The following MAL2 variants were observed in gnomAD, a reference collection of about 807,000 sequenced individuals.
MAL2 encodes the protein mal, T cell differentiation protein 2.
Under a neutral mutation model 18.1 loss-of-function variants are expected in MAL2, and 17 were observed. The observed-to-expected ratio is 0.94, with a 90% CI of 0.64 to 1.41. The LOEUF (loss-of-function observed/expected upper bound fraction) is 1.41, where lower values mean the gene tolerates loss of function less well. Ranked by LOEUF, MAL2 falls within the 40% of genes most tolerant of loss-of-function variation. The probability of loss-of-function intolerance (pLI) is 0.00; values close to 1 mark genes in which losing one functional copy is unlikely to be tolerated. For synonymous variants in MAL2, 102 were observed against 102.3 expected, an observed-to-expected ratio of 1.00 and a Z score of 0.02; for missense variants, 222 against 231.9, an observed-to-expected ratio of 0.96 and a Z score of 0.28.
At chr8:119,236,342 A>ATGTG (rs1817892244) in intron 2 of MAL2, among the ~76,000 whole-genome samples, 1 of 149,848 alleles carries the variant, frequency 6.7e-6, no homozygotes, top group Non-Finnish European at 1.5e-5. Context: ...CACATTAATA[A>ATGTG]TGGGAGACTT....
At chr8:119,212,671 G>A (rs911612486) in intron 1 of MAL2, among the ~76,000 whole-genome samples, 2 of 152,180 alleles carry the variant, frequency 1.3e-5, no homozygotes, top group East Asian at 3.9e-4. Context: ...CTTTAATGAG[G>A]TGGGGACATT....
intron 2 of MAL2, among the ~76,000 whole-genome samples, chr8:119,225,820 T>C (rs1466908089): frequency 1.3e-5 from 2 of 152,218 alleles, no homozygotes; most frequent in Non-Finnish European, 2.9e-5. Context: ...TTCTAACTGG[T>C]GTGAGATGGT....
intron 2 of MAL2, among the ~76,000 whole-genome samples, chr8:119,235,699 C>A (rs1817873562): frequency 6.6e-6 from 1 of 151,054 alleles, no homozygotes; most frequent in Non-Finnish European, 1.5e-5. Flanking sequence ...AACTAAGCTT[C>A]CTAAGTGAAG....
At chr8:119,209,251 A>G (rs1389498462) in intron 1 of MAL2, 4 of 152,540 alleles carry the variant, frequency 2.6e-5, no homozygotes, top group Middle Eastern at 3.2e-3. Context: ...GGGTGTGACA[A>G]TGGTGGGGGA....
chr8:119,220,705 AC>A (rs202018804), intron 1 of MAL2, among the ~76,000 whole-genome samples: 1 of 149,394 alleles, frequency 6.7e-6, no homozygotes, highest in African/African-American at 2.5e-5. Flanking sequence ...CTGCCATGGA[AC>A]CCCCCTTTCC....
chr8:119,236,770 A>G (rs1174907082), intron 2 of MAL2, among the ~76,000 whole-genome samples: 2 of 151,120 alleles, frequency 1.3e-5, no homozygotes, highest in Admixed American at 1.3e-4. Flanking sequence ...ACATAGCAGA[A>G]TCTCTGGGAC....
intron 2 of MAL2, among the ~76,000 whole-genome samples, chr8:119,230,652 CTCTT>C (rs1365427839): frequency 1.3e-5 from 2 of 152,176 alleles, no homozygotes; most frequent in Non-Finnish European, 1.5e-5. Flanking sequence ...GTCACCAAAT[CTCTT>C]TATTTAAAGA....
At chr8:119,219,534 TG>T (rs1817426280) in intron 1 of MAL2, among the ~76,000 whole-genome samples, 1 of 129,060 alleles carries the variant, frequency 7.7e-6, no homozygotes, top group Non-Finnish European at 1.5e-5. Context: ...TGTGTGTGTG[TG>T]TGTGTGTGTG....
chr8:119,221,307 A>G lies in MAL2; in HGVS notation c.133-280A>G, dbSNP rs182866741. 499 of 300,712 alleles carry G rather than the reference A, an allele frequency of 1.7e-3. 1 individual carries two copies. The highest frequency in any genetic ancestry group is 9.7e-3 in the African/African-American group (457 of 47,238). The allele number at this position is 300,712 out of a possible 1,614,324, so 18.6% of individuals were successfully genotyped here. On this transcript the variant is annotated intron_variant, in intron 1 of 3. Coordinates refer to ENST00000614891, the MANE Select transcript of MAL2 (RefSeq NM_052886.3). Reference sequence around the variant, plus strand: ...AAAGGAAGGTATTTGTCAATGATGAAGGAATACTGGACATGTACATGGGTT... The same window carrying G: ...AAAGGAAGGTATTTGTCAATGATGAGGGAATACTGGACATGTACATGGGTT...
chr8:119,232,247 AAAG>A (rs1385296335), intron 2 of MAL2, among the ~76,000 whole-genome samples: 2 of 152,122 alleles, frequency 1.3e-5, no homozygotes, highest in African/African-American at 4.8e-5. Flanking sequence ...TTTGAAAACT[AAAG>A]AAACTGGACT....
chr8:119,215,915 G>A (rs1817344956), intron 1 of MAL2, among the ~76,000 whole-genome samples: 1 of 152,144 alleles, frequency 6.6e-6, no homozygotes. Flanking sequence ...CAGTTATATT[G>A]TATGTGTTGG....
In MAL2 at chr8:119,222,310, C is replaced by T. The variant is rs1193818269; in HGVS notation, c.303+553C>T. Among the ~76,000 whole-genome samples the T allele has an allele frequency of 2.0e-5, 3 of 151,932 alleles. No individual in the cohort carries two copies. The East Asian group carries it at 5.8e-4, about 29-fold the overall frequency. On this transcript the variant is annotated intron_variant, in intron 2 of 3. Transcript: ENST00000614891. ...CTTTGGGAGGCCGAGGCAGATGAAT[C>T]ATGAGGTCAGGAGTTCAAGACCAGC... is the stretch of plus-strand genomic sequence containing the variant.
intron 2 of MAL2, among the ~76,000 whole-genome samples, chr8:119,237,009 A>T (rs187306307): frequency 0.096 from 14,463 of 150,978 alleles, 2,116 homozygotes; most frequent in African/African-American, 0.32. Context: ...CAGGAGCTGG[A>T]TTTTTGAAAG....
intron 2 of MAL2, among the ~76,000 whole-genome samples, chr8:119,231,246 A>T (rs1413287812): frequency 6.6e-6 from 1 of 152,088 alleles, no homozygotes; most frequent in Non-Finnish European, 1.5e-5. Context: ...GTTAGCCAGG[A>T]TGGTCTCTCT....
intron 2 of MAL2, among the ~76,000 whole-genome samples, chr8:119,228,583 T>C (rs186767500): frequency 6.6e-6 from 1 of 152,138 alleles, no homozygotes; most frequent in Non-Finnish European, 1.5e-5. Flanking sequence ...GCCAGCAGCT[T>C]CTAGGTGGTG....
At chr8:119,239,463 A>G (rs1359774513) in intron 2 of MAL2, among the ~76,000 whole-genome samples, 1 of 152,050 alleles carries the variant, frequency 6.6e-6, no homozygotes, top group African/African-American at 2.4e-5. Context: ...ATAAAGACAC[A>G]TGCACATGTA....
At chr8:119,242,735 C>G (rs1023365742) in intron 3 of MAL2, among the ~76,000 whole-genome samples, 1 of 148,094 alleles carries the variant, frequency 6.8e-6, no homozygotes, top group Admixed American at 6.6e-5. Context: ...CAACATTTAT[C>G]AAACATTTAT....
chr8:119,212,200 G>T (rs919311949), intron 1 of MAL2, among the ~76,000 whole-genome samples: 5 of 152,188 alleles, frequency 3.3e-5, no homozygotes, highest in African/African-American at 9.6e-5. Flanking sequence ...TGCTCTCAAT[G>T]AGCTTATCTT....
intron 1 of MAL2, among the ~76,000 whole-genome samples, chr8:119,209,864 C>CT (rs1194784491): frequency 1.3e-5 from 2 of 152,166 alleles, no homozygotes; most frequent in Non-Finnish European, 2.9e-5. Context: ...TCAGAAGCAT[C>CT]TGAGTGCTTG....
Sources: gnomAD v4.1 joint callset for allele counts (sites outside exome capture counted in the v4.1 genomes callset) on GRCh38, gnomAD v4.1.1 for gene constraint, MANE v1.5 for transcripts, NCBI Gene and HGNC (gene_info 2026-07-23, HGNC 2026-07-21) for gene names.